Variants in CLCNKA observed in about 807,000 individuals in gnomAD.
CLCNKA encodes chloride voltage-gated channel Ka.
In CLCNKA, 66 loss-of-function variants were observed where a neutral mutation model predicts 83.3. The ratio of observed to expected loss-of-function variants is 0.79; its 90% CI spans 0.65 to 0.97. The LOEUF (loss-of-function observed/expected upper bound fraction) is 0.97. Ranked by LOEUF, CLCNKA falls within the 50% of genes least tolerant of loss-of-function variation. The probability of loss-of-function intolerance (pLI) is 0.00; values close to 1 mark genes in which losing one functional copy is unlikely to be tolerated. For missense variants in CLCNKA, 806 were observed against 888.7 expected (o/e 0.91, Z 1.18); for synonymous variants, 357 against 370.4 (o/e 0.96, Z 0.42).
Position 16,033,552 on chromosome 1 carries a change from GC to G in CLCNKA, c.2017-53del, listed in dbSNP as rs1165704774. The stretch of plus-strand genomic sequence containing the variant: ...ACCTTAGGGGACTAAAAATGCTGGA[GC>G]CCCCCTCACAACCTCCTCTACATCC... On this transcript the variant is annotated intron_variant, in intron 19 of 19. Transcript: ENST00000331433. The G allele has an allele frequency of 1.9e-5, 20 of 1,053,630 alleles. No homozygotes were observed. In the East Asian group the frequency reaches 3.1e-4, roughly 16 times the overall value. The allele number at this position is 1,053,630 out of a possible 1,614,324, so 65.3% of individuals were successfully genotyped here.
Position 16,033,643 on chromosome 1 carries a change from G to T in CLCNKA, c.2049G>T (p.Pro683=), listed in dbSNP as rs200499406. Residue 683 remains proline (P), a synonymous_variant, in exon 20 of 20, where the codon CCG becomes CCT. Coordinates refer to ENST00000331433, the MANE Select transcript of CLCNKA (RefSeq NM_004070.4). Reference sequence around the variant, plus strand: ...AAGCAATTTCCAACCTGACAAATCCGCCAGCTCCAAAGTGAGCCGGCCCAG... The same window carrying T: ...AAGCAATTTCCAACCTGACAAATCCTCCAGCTCCAAAGTGAGCCGGCCCAG... ...MKKAISNLTN[P]PAPK 5.4e-5 allele frequency: 84 copies of T among 1,557,576 alleles called. 1 individual carries two copies. In the East Asian group the frequency reaches 1.6e-3, roughly 29 times the overall value.
At chr1:16,029,651 C>A (rs2022530396) in intron 12 of CLCNKA, 80 bp from the exon 13 acceptor site, 2 of 1,543,408 alleles carry the variant, frequency 1.3e-6, no homozygotes, top group Non-Finnish European at 9.0e-7. Context: ...GGACACTCCC[C>A]TGTCCCCTGT....
intron 11 of CLCNKA, 83 bp from the exon 12 acceptor site, chr1:16,029,043 G>T: frequency 6.4e-7 from 1 of 1,560,702 alleles, no homozygotes; most frequent in East Asian, 2.3e-5. Flanking sequence ...AGGATTCCAG[G>T]CGGGGTCAGG....
intron 12 of CLCNKA, 111 bp downstream of exon 12, chr1:16,029,410 C>A: frequency 6.6e-7 from 1 of 1,516,430 alleles, no homozygotes; most frequent in Non-Finnish European, 9.0e-7. Context: ...CTCACCCACA[C>A]TTCCTTCTGT....
rs766754482 is a variant in CLCNKA at position 16,028,474 on chromosome 1, G to T, written c.969-287G>T. 5 of 623,964 alleles carry T rather than the reference G, an allele frequency of 8.0e-6. No individual in the cohort carries two copies. The African/African-American group carries it at 9.0e-5, about 11-fold the overall frequency. 38.7% of individuals were successfully genotyped at this position (623,964 alleles called of 1,614,324 possible). ...AGATGCACATGGCCCGCCCCGGCCC[G>T]GCCCACTGTCTCCTCCCTCCTAGCC... On this transcript the variant is annotated intron_variant, in intron 10 of 19. Coordinates refer to ENST00000331433, the MANE Select transcript of CLCNKA (RefSeq NM_004070.4).
chr1:16,022,960 G>A (rs1466988407), intron 2 of CLCNKA, among the ~76,000 whole-genome samples: 3 of 152,236 alleles, frequency 2.0e-5, no homozygotes, highest in Non-Finnish European at 4.4e-5. Context: ...CCTGGTCACT[G>A]TGCCTATCTT....
chr1:16,025,282 C>A (rs1314942522), intron 4 of CLCNKA, among the ~76,000 whole-genome samples: 1 of 152,206 alleles, frequency 6.6e-6, no homozygotes, highest in Admixed American at 6.5e-5. Context: ...TCTGCCAGTC[C>A]CAGTGGGAGG....
intron 18 of CLCNKA, 37 bp downstream of exon 18, chr1:16,032,563 C>T (rs756005613): frequency 3.8e-5 from 56 of 1,489,472 alleles, no homozygotes; most frequent in South Asian, 6.8e-5. Flanking sequence ...ACGCAGCCCC[C>T]GGGGCAGGGC....
intron 10 of CLCNKA, 39 bp downstream of exon 10, chr1:16,028,158 T>C (rs2124040206): frequency 6.3e-7 from 1 of 1,580,388 alleles, no homozygotes; most frequent in Non-Finnish European, 8.7e-7. Context: ...TCTCAGTGAG[T>C]CCCTTGTGGA....
At chr1:16,032,164 C>T in intron 16 of CLCNKA, 39 bp from the exon 17 acceptor site, 2 of 1,579,900 alleles carry the variant, frequency 1.3e-6, no homozygotes, top group Non-Finnish European at 1.7e-6. Context: ...CCTGTTTCTT[C>T]ATAATGCACC....
rs908973309 is a variant in CLCNKA, at chr1:16,027,541, C to A, written c.781+106C>A. The A allele has an allele frequency of 2.6e-6, 4 of 1,543,674 alleles. No individual in the cohort carries two copies. In the Admixed American group the frequency reaches 7.6e-5, roughly 29 times the overall value. On this transcript the variant is annotated intron_variant, in intron 8 of 19. Transcript: ENST00000331433. ...TCTTGCTCTTCCCTTCCCTCTCTCT[C>A]CCTCTTTTCCCTCCTCCGTGTTCCC...
chr1:16,032,997 T>C (rs2022694637), intron 18 of CLCNKA, among the ~76,000 whole-genome samples, 173 bp from the exon 19 acceptor site: 1 of 152,094 alleles, frequency 6.6e-6, no homozygotes, highest in African/African-American at 2.4e-5. Context: ...GACCCTTGAG[T>C]GGCCTCTGGC....
rs777516841 is a variant in CLCNKA, at chr1:16,030,650, C to T, written c.1598C>T (p.Pro533Leu). 11 of 1,613,178 alleles carry T rather than the reference C, an allele frequency of 6.8e-6. No individual in the cohort carries two copies. The highest frequency in any genetic ancestry group is 9.3e-6 in the Non-Finnish European group (11 of 1,180,048). The part of the protein sequence containing the change: ...TIIVKKLPYL[P>L]RILGRNIGSH... ...ATTGTCAAGAAGCTGCCATACCTGC[C>T]ACGGATTCTGGGCCGCAACATCGGG... Residue 533 changes from proline to leucine, a missense_variant, in exon 15 of 20, where the codon CCA becomes CTA. Physicochemically the swap from Pro to Leu is moderately conservative, Grantham distance 98. Transcript: ENST00000331433.
Position 16,030,512 on chromosome 1 carries a change from T to A in CLCNKA, c.1460T>A (p.Leu487Gln). The A allele has an allele frequency of 6.2e-7, 1 of 1,613,096 alleles. No individual in the cohort carries two copies. Among genetic ancestry groups the A allele is most frequent in the Non-Finnish European group, 8.5e-7 (1 of 1,180,038 alleles). The change falls in exon 15 of 20, where the codon CTG becomes CAG. Residue 487 changes from leucine to glutamine, a missense_variant. By Grantham distance (113) the Leu-to-Gln change is moderately radical. Transcript: ENST00000331433. ...ACCCACACCATCTCCACGGCGCTGC[T>A]GGCCTTTGAGCTGACCGGCCAGATA... ...AVTHTISTAL[L>Q]AFELTGQIVH...
At chr1:16,029,408 C>A (rs1238752017) in intron 12 of CLCNKA, 109 bp downstream of exon 12, 1 of 1,527,114 alleles carries the variant, frequency 6.5e-7, no homozygotes, top group African/African-American at 1.4e-5. Context: ...CTCTCACCCA[C>A]ACTTCCTTCT....
intron 15 of CLCNKA, among the ~76,000 whole-genome samples, chr1:16,031,296 G>A (rs1371096551): frequency 6.6e-6 from 1 of 152,196 alleles, no homozygotes; most frequent in African/African-American, 2.4e-5. Flanking sequence ...TTCCTTGGGG[G>A]TGACATACAC....
At chr1:16,030,132 G>C (rs2022562820) in intron 14 of CLCNKA, 57 bp downstream of exon 14, 1 of 1,330,916 alleles carries the variant, frequency 7.5e-7, no homozygotes. Flanking sequence ...GCTGGACCTG[G>C]AGAATTGGCT....
chr1:16,026,409 C>A (rs2022348672), intron 5 of CLCNKA, 127 bp from the exon 6 acceptor site: 13 of 1,481,712 alleles, frequency 8.8e-6, no homozygotes, highest in Non-Finnish European at 1.2e-5. Context: ...CCCAGTGTGA[C>A]AAAAGCTACC....
chr1:16,027,902 T>C lies in CLCNKA; in HGVS notation c.863T>C (p.Leu288Pro). ...CCTGAGATCTTCTTTTTTGTGGCGCTGGGGTGAGTGGGTGCCTTGGGCCCC... is the reference window on the plus strand; with the variant it reads ...CCTGAGATCTTCTTTTTTGTGGCGCCGGGGTGAGTGGGTGCCTTGGGCCCC... Reference protein sequence around the residue: ...DLPEIFFFVALGGICGVLSCA... With the variant: ...DLPEIFFFVAPGGICGVLSCA... The change falls in exon 9 of 20, where the codon CTG becomes CCG. Residue 288 changes from leucine to proline, a missense_variant. Coordinates refer to ENST00000331433, the MANE Select transcript of CLCNKA (RefSeq NM_004070.4). The C allele has an allele frequency of 6.2e-7, 1 of 1,613,784 alleles. No homozygotes were observed. The highest frequency in any genetic ancestry group is 1.1e-5 in the South Asian group (1 of 91,066).
Sources: gnomAD v4.1 joint callset for allele counts (sites outside exome capture counted in the v4.1 genomes callset) on GRCh38, gnomAD v4.1.1 for gene constraint, MANE v1.5 for transcripts, NCBI Gene and HGNC (gene_info 2026-07-23, HGNC 2026-07-21) for gene names.